The following ARHGEF3 variants were observed in gnomAD, a reference collection of about 807,000 sequenced individuals.
ARHGEF3 encodes the protein Rho guanine nucleotide exchange factor 3, also known as 59.8 kDA protein.
Under a neutral mutation model 63.2 loss-of-function variants are expected in ARHGEF3, and 28 were observed. The observed-to-expected ratio is 0.44, with a 90% confidence interval of 0.33 to 0.61. ARHGEF3 has a LOEUF of 0.61. Ranked by LOEUF, ARHGEF3 falls within the 20% of genes least tolerant of loss-of-function variation. ARHGEF3 has a pLI of 0.03. For missense variants in ARHGEF3, 533 were observed against 659.3 expected, an observed-to-expected ratio of 0.81 and a Z score of 2.10; for synonymous variants, 266 against 254.2, an observed-to-expected ratio of 1.05 and a Z score of -0.44.
chr3:57,030,391 C>T (rs761151768), intron 2 of ARHGEF3, among the ~76,000 whole-genome samples: 2 of 152,138 alleles, frequency 1.3e-5, no homozygotes, highest in Non-Finnish European at 2.9e-5. Flanking sequence ...GTATATAATC[C>T]GTGCCTGGAA....
rs76681993 is a variant in ARHGEF3 at position 56,730,816 on chromosome 3, A to G, written c.1229-1194T>C. On this transcript the variant is annotated intron_variant, in intron 9 of 9. Transcript: ENST00000296315. ...AGCCAGTAGACTGGGAACCACCACC[A>G]CTTCCAATGGCTTAGAGGCTAAGCA... 8.9e-3 allele frequency among the ~76,000 whole-genome samples: 1,358 copies of G among 152,234 alleles called. 49 individuals are homozygous for G. In the East Asian group the frequency reaches 0.09, roughly 10 times the overall value.
At chr3:56,757,117 A>T (rs1283604945) in intron 2 of ARHGEF3, among the ~76,000 whole-genome samples, 1 of 152,250 alleles carries the variant, frequency 6.6e-6, no homozygotes, top group African/African-American at 2.4e-5. Flanking sequence ...ATTCAACAAT[A>T]AAATTCCAGA....
At chr3:56,732,206 T>C (rs1208552250) in intron 9 of ARHGEF3, 32 bp downstream of exon 9, 17 of 1,611,998 alleles carry the variant, frequency 1.1e-5, no homozygotes, top group Non-Finnish European at 1.4e-5. Context: ...GCCAAAAACA[T>C]TCAACAGGTC....
chr3:56,807,216 T>G (rs1450668195), intron 4 of ARHGEF3, among the ~76,000 whole-genome samples: 1 of 152,154 alleles, frequency 6.6e-6, no homozygotes, highest in African/African-American at 2.4e-5. Context: ...GGCTTGTTCA[T>G]CCATCCGTTC....
chr3:56,796,672 C>T (rs898394446), intron 1 of ARHGEF3, among the ~76,000 whole-genome samples: 3 of 152,110 alleles, frequency 2.0e-5, no homozygotes, highest in Non-Finnish European at 1.5e-5. Flanking sequence ...TCATCCTTCA[C>T]GTGTTATGAG....
chr3:57,070,864 T>G (rs941689377), intron 1 of ARHGEF3, among the ~76,000 whole-genome samples: 6 of 150,234 alleles, frequency 4.0e-5, no homozygotes, highest in African/African-American at 1.5e-4. Flanking sequence ...CCCAGCTACT[T>G]GGGAGGCTGA....
chr3:56,730,218 G>A (rs2033037250), intron 9 of ARHGEF3, among the ~76,000 whole-genome samples: 1 of 151,934 alleles, frequency 6.6e-6, no homozygotes, highest in Non-Finnish European at 1.5e-5. Flanking sequence ...ACATGCCCAT[G>A]TTTCTCCATA....
At chr3:56,840,447 T>C (rs1351034932) in intron 4 of ARHGEF3, among the ~76,000 whole-genome samples, 1 of 152,226 alleles carries the variant, frequency 6.6e-6, no homozygotes, top group African/African-American at 2.4e-5. Context: ...GCTCCAAGTA[T>C]GCTCCCATAA....
chr3:56,840,828 G>A (rs1029579190), intron 4 of ARHGEF3, among the ~76,000 whole-genome samples: 10 of 152,214 alleles, frequency 6.6e-5, no homozygotes, highest in South Asian at 4.1e-4. Flanking sequence ...ATGAGATGAA[G>A]ACTAACATTT....
chr3:56,838,146 C>G (rs1273592834), intron 4 of ARHGEF3, among the ~76,000 whole-genome samples: 1 of 152,080 alleles, frequency 6.6e-6, no homozygotes, highest in Non-Finnish European at 1.5e-5. Flanking sequence ...TAGCCTTTAA[C>G]AATAATGGTA....
rs370573675 is a variant in ARHGEF3 at position 56,747,407 on chromosome 3, A to C, written c.613-1945T>G. ...ACAGGGTGCTCATTTCCTGGGCATG[A>C]CCTGAAAGGCTATCTGGTTCAGTCA... On this transcript the variant is annotated intron_variant, in intron 6 of 9. Transcript: ENST00000296315. 4.6e-5 allele frequency among the ~76,000 whole-genome samples: 7 copies of C among 152,262 alleles called. No individual in the cohort carries two copies. The South Asian group carries it at 1.5e-3, about 32-fold the overall frequency.
At chr3:56,823,005 T>C (rs2038576905) in intron 4 of ARHGEF3, among the ~76,000 whole-genome samples, 1 of 152,174 alleles carries the variant, frequency 6.6e-6, no homozygotes, top group Non-Finnish European at 1.5e-5. Flanking sequence ...GGTGTTTCCG[T>C]AAATATTGTA....
Position 57,074,200 on chromosome 3 carries a change from C to T in ARHGEF3, c.-28+5026G>A, listed in dbSNP as rs775233328. On this transcript the variant is annotated intron_variant, in intron 1 of 12. Transcript: ENST00000338458. ...AGCCGTTCAAACCAACTGACATTTA[C>T]TGAGGGCTGCTTTGTCAGGTCCCTC... The T allele has an allele frequency of 1.9e-6, 3 of 1,614,188 alleles. No homozygotes were observed. The Admixed American group carries it at 5.0e-5, about 27-fold the overall frequency.
At position 57,021,011 on chromosome 3, in the gene ARHGEF3, T is replaced by C. The variant is rs1269685582; in HGVS notation, c.62+14077A>G. ...GTTTGTTCATTTCCTCTAGCTTCAATGCCTCAAACAGAAGGAAAGCTATCC... is the reference window on the plus strand; with the variant it reads ...GTTTGTTCATTTCCTCTAGCTTCAACGCCTCAAACAGAAGGAAAGCTATCC... On this transcript the variant is annotated intron_variant, in intron 2 of 12. Coordinates refer to the ARHGEF3 transcript ENST00000338458. 3.9e-5 allele frequency among the ~76,000 whole-genome samples: 6 copies of C among 152,242 alleles called. No individual in the cohort carries two copies. In the East Asian group the frequency reaches 1.2e-3, roughly 29 times the overall value.
chr3:56,983,924 G>A (rs1050120667), intron 2 of ARHGEF3, among the ~76,000 whole-genome samples: 2 of 124,470 alleles, frequency 1.6e-5, no homozygotes, highest in African/African-American at 3.0e-5. Flanking sequence ...GACAGAGCGA[G>A]ACTCCGTCTC....
At chr3:56,977,421 T>C (rs1701167748) in intron 2 of ARHGEF3, 2 of 425,176 alleles carry the variant, frequency 4.7e-6, no homozygotes, top group Non-Finnish European at 4.7e-6. Context: ...GCTGCCGCCA[T>C]GGCAACCACA....
intron 3 of ARHGEF3, among the ~76,000 whole-genome samples, chr3:56,883,508 G>A (rs2040834829): frequency 6.6e-6 from 1 of 152,030 alleles, no homozygotes; most frequent in Non-Finnish European, 1.5e-5. Context: ...TGTTGCCCAG[G>A]CTGGTCTCAA....
chr3:56,878,848 G>A (rs1052019955), intron 4 of ARHGEF3, among the ~76,000 whole-genome samples: 3 of 152,196 alleles, frequency 2.0e-5, no homozygotes, highest in South Asian at 2.1e-4. Flanking sequence ...GTGAGTGGCC[G>A]GCAGGCAAGC....
chr3:57,042,651 AAT>A (rs71076013), intron 1 of ARHGEF3, among the ~76,000 whole-genome samples: 61 of 49,264 alleles, frequency 1.2e-3, no homozygotes, highest in African/African-American at 2.4e-3. Flanking sequence ...TATGTACATA[AAT>A]ATATATATAT....
Sources: gnomAD v4.1 joint callset for allele counts (sites outside exome capture counted in the v4.1 genomes callset) on GRCh38, gnomAD v4.1.1 for gene constraint, MANE v1.5 for transcripts, NCBI Gene and HGNC (gene_info 2026-07-23, HGNC 2026-07-21) for gene names.